Variants in POU2F2 observed in about 807,000 individuals in gnomAD.
POU2F2 encodes POU class 2 homeobox 2, also known as POU domain, class 2, transcription factor 2.
POU2F2 carries 14 observed loss-of-function variants against 63.5 expected under a neutral mutation model. That is an observed-to-expected ratio of 0.22 (90% CI 0.15 to 0.34). POU2F2 has a LOEUF of 0.34. POU2F2 is among the 10% of genes least tolerant of loss of function. The pLI is 1.00. For synonymous variants in POU2F2, 306 were observed against 348.6 expected (o/e 0.88, Z 1.36); for missense variants, 607 against 815.2 (o/e 0.74, Z 3.11).
At chr19:42,167,783 G>T (rs77091836) in intron 1 of POU2F2, among the ~76,000 whole-genome samples, 13,916 of 152,240 alleles carry the variant, frequency 0.091, 830 homozygotes, top group Middle Eastern at 0.19. Flanking sequence ...CCAGGCTCCA[G>T]CCTCACCCAT....
Position 42,096,295 on chromosome 19 carries a change from C to T in POU2F2, c.568-52G>A. ...TGCAGGGCGGAGGACCAGGATGGGG[C>T]TCAGCGATGGGTGCACAGTCCCCCT... On this transcript the variant is annotated intron_variant, in intron 7 of 14. Coordinates refer to ENST00000692977, the MANE Select transcript of POU2F2 (RefSeq NM_001394376.1). The surrounding 1 kb of genome is among the most constrained non-coding windows in gnomAD (Gnocchi z 4.1). 6.8e-7 allele frequency: 1 copy of T among 1,471,518 alleles called. No individual in the cohort carries two copies. The highest frequency in any genetic ancestry group is 9.1e-7 in the Non-Finnish European group (1 of 1,104,068). 91.2% of individuals were successfully genotyped at this position (1,471,518 alleles called of 1,614,324 possible). A position where few individuals can be genotyped will look rare whatever the true frequency, so the allele number is the denominator to read the frequency against.
At chr19:42,186,199 T>C (rs1181557772) in intron 1 of POU2F2, among the ~76,000 whole-genome samples, 2 of 150,264 alleles carry the variant, frequency 1.3e-5, no homozygotes, top group Non-Finnish European at 3.0e-5. Context: ...GTGGCGGGCG[T>C]CTGTAGTCCC....
chr19:42,176,235 T>C (rs1411616758), upstream of POU2F2, among the ~76,000 whole-genome samples: 1 of 152,202 alleles, frequency 6.6e-6, no homozygotes, highest in East Asian at 1.9e-4. Context: ...CGGGAGCAGA[T>C]GCCACCTCGC....
intron 2 of POU2F2, among the ~76,000 whole-genome samples, chr19:42,154,830 T>C (rs2034426891): frequency 6.6e-6 from 1 of 152,154 alleles, no homozygotes; most frequent in African/African-American, 2.4e-5. Flanking sequence ...CTCAAGCCTT[T>C]TTCCACGTTC....
In POU2F2 at chr19:42,112,282, A is replaced by G. The variant is rs578259594; in HGVS notation, c.369+4968T>C. Among the ~76,000 whole-genome samples, 6 of 151,934 alleles carry G rather than the reference A, an allele frequency of 3.9e-5. No individual in the cohort carries two copies. In the South Asian group the frequency reaches 6.3e-4, roughly 16 times the overall value. On this transcript the variant is annotated intron_variant, in intron 5 of 14. Coordinates refer to ENST00000692977, the MANE Select transcript of POU2F2 (RefSeq NM_001394376.1). ...TCTCTTTCAGGGGTTACACTTTCCC[A>G]TCCTCAAGTCACGAGGTCCAGGTAG...
chr19:42,099,338 C>T, intron 7 of POU2F2, 189 bp downstream of exon 7: 3 of 593,134 alleles, frequency 5.1e-6, no homozygotes, highest in Non-Finnish European at 9.0e-6. Context: ...CAGCTCCCCT[C>T]ATTCTATAGA....
intron 1 of POU2F2, among the ~76,000 whole-genome samples, chr19:42,174,041 G>T (rs183927836): frequency 3.9e-5 from 6 of 152,176 alleles, no homozygotes; most frequent in Non-Finnish European, 8.8e-5. Flanking sequence ...GTGGGGAGAG[G>T]GGATCTTTTC....
chr19:42,122,487 C>G, intron 2 of POU2F2, 24 bp downstream of exon 2: 2 of 1,609,124 alleles, frequency 1.2e-6, no homozygotes, highest in South Asian at 2.2e-5. Context: ...GTGACCCCTG[C>G]CCCCCTGCTC....
chr19:42,175,697 G>A (rs1040453163), intron 1 of POU2F2, among the ~76,000 whole-genome samples: 1 of 152,050 alleles, frequency 6.6e-6, no homozygotes, highest in Non-Finnish European at 1.5e-5. Flanking sequence ...AGACCAAAGA[G>A]GCAGCAGGCA....
intron 1 of POU2F2, among the ~76,000 whole-genome samples, chr19:42,125,164 C>T (rs958656363): frequency 6.6e-6 from 1 of 152,032 alleles, no homozygotes; most frequent in Non-Finnish European, 1.5e-5. Flanking sequence ...TTGAGACCAG[C>T]CTGGGCAACA....
intron 2 of POU2F2, among the ~76,000 whole-genome samples, chr19:42,143,074 T>A (rs1246917861): frequency 6.6e-6 from 1 of 152,082 alleles, no homozygotes; most frequent in East Asian, 1.9e-4. Context: ...CGATCAAGAT[T>A]CATTAAACTG....
intron 5 of POU2F2, among the ~76,000 whole-genome samples, chr19:42,112,144 C>T (rs1292440213): frequency 6.6e-6 from 1 of 152,256 alleles, no homozygotes; most frequent in African/African-American, 2.4e-5. Context: ...CTGGGCCAGG[C>T]TCCTGGACTC....
chr19:42,188,384 A>G (rs1224019783), intron 1 of POU2F2, among the ~76,000 whole-genome samples: 1 of 151,714 alleles, frequency 6.6e-6, no homozygotes, highest in Non-Finnish European at 1.5e-5. Context: ...AAAAAAGAAA[A>G]AAAGGGCCGG....
At chr19:42,173,527 G>A (rs906859221) in intron 1 of POU2F2, among the ~76,000 whole-genome samples, 2 of 151,586 alleles carry the variant, frequency 1.3e-5, no homozygotes, top group African/African-American at 2.4e-5. Flanking sequence ...CAGAATGGAG[G>A]TGGCCTGGAG....
chr19:42,176,246 CTCTCT>C (rs1458103210), upstream of POU2F2, among the ~76,000 whole-genome samples: 1 of 152,108 alleles, frequency 6.6e-6, no homozygotes, highest in East Asian at 1.9e-4. Flanking sequence ...GCCACCTCGC[CTCTCT>C]TCTCTGTCCT....
chr19:42,132,527 C>A, upstream of POU2F2: 1 of 1,032,876 alleles, frequency 9.7e-7, no homozygotes, highest in Non-Finnish European at 1.3e-6. Flanking sequence ...CCGGTCCGCC[C>A]CCTTCAGAAG....
In POU2F2 at chr19:42,153,466, T is replaced by G. The variant is rs1357582105; in HGVS notation, c.-9+6866A>C. Among the ~76,000 whole-genome samples, 1 of 152,124 alleles carries G rather than the reference T, an allele frequency of 6.6e-6. No individual in the cohort carries two copies. The highest frequency in any genetic ancestry group is 1.5e-5 in the Non-Finnish European group (1 of 68,008). ...TGTGCTCTGGGAAGCCTGTGTGTGT[T>G]GGCGTGCGCATGCCCCTGACAGAGT... is the stretch of plus-strand genomic sequence containing the variant. On this transcript the variant is annotated intron_variant, in intron 2 of 6. Coordinates refer to the POU2F2 transcript ENST00000524801. The surrounding 1 kb of genome is among the most constrained non-coding windows in gnomAD (Gnocchi z 5.6).
chr19:42,127,607 T>C (rs1166327112), intron 1 of POU2F2, among the ~76,000 whole-genome samples: 1 of 151,982 alleles, frequency 6.6e-6, no homozygotes, highest in Non-Finnish European at 1.5e-5. Context: ...GGTCTCAATC[T>C]CCTGACCTCA....
chr19:42,181,759 G>C (rs1212509373), intron 1 of POU2F2, among the ~76,000 whole-genome samples: 1 of 151,848 alleles, frequency 6.6e-6, no homozygotes, highest in African/African-American at 2.4e-5. Context: ...GCTAATTTTT[G>C]TATTTTTTAG....
Sources: allele counts gnomAD v4.1 joint callset (sites outside exome capture counted in the v4.1 genomes callset), GRCh38; gene constraint gnomAD v4.1.1; non-coding constraint Gnocchi (gnomAD v3.1); transcripts MANE v1.5; gene names NCBI Gene and HGNC (gene_info 2026-07-23, HGNC 2026-07-21).